Variants in CPA6 observed in about 807,000 individuals in gnomAD.
CPA6 encodes carboxypeptidase A6, also known as carboxypeptidase B.
Under a neutral mutation model 63.3 loss-of-function variants are expected in CPA6, and 58 were observed. The ratio of observed to expected loss-of-function variants is 0.92; its 90% confidence interval spans 0.74 to 1.14. CPA6 has a LOEUF of 1.14. Among genes scored for constraint, CPA6 ranks in the 50% most tolerant of loss-of-function variants. The probability of loss-of-function intolerance (pLI) is 0.00; values close to 1 mark genes in which losing one functional copy is unlikely to be tolerated. For missense variants in CPA6, 565 were observed against 526.6 expected (o/e 1.07, Z -0.71); for synonymous variants, 185 against 179.0 (o/e 1.03, Z -0.27).
chr8:67,687,534 T>C (rs1211515999), intron 1 of CPA6, among the ~76,000 whole-genome samples: 2 of 152,186 alleles, frequency 1.3e-5, no homozygotes, highest in Non-Finnish European at 2.9e-5. Context: ...ATCATTTAAC[T>C]GTTCTGAGCC....
At chr8:67,580,687 T>G (rs1014558317) in intron 2 of CPA6, among the ~76,000 whole-genome samples, 1 of 152,166 alleles carries the variant, frequency 6.6e-6, no homozygotes, top group Non-Finnish European at 1.5e-5. Context: ...AAGCATGAAT[T>G]AATTAGCACC....
intron 2 of CPA6, among the ~76,000 whole-genome samples, chr8:67,581,334 C>T (rs967967202): frequency 1.3e-5 from 2 of 152,052 alleles, no homozygotes; most frequent in Non-Finnish European, 2.9e-5. Context: ...CTATATATTA[C>T]TCATTCATGG....
intron 2 of CPA6, among the ~76,000 whole-genome samples, chr8:67,605,730 A>G (rs1477562057): frequency 6.6e-6 from 1 of 152,182 alleles, no homozygotes; most frequent in Admixed American, 6.5e-5. Context: ...CAGATAGACC[A>G]GAATGTACAT....
chr8:67,475,386 GGCAC>G (rs1811150170), intron 8 of CPA6, among the ~76,000 whole-genome samples: 1 of 152,182 alleles, frequency 6.6e-6, no homozygotes, highest in African/African-American at 2.4e-5. Flanking sequence ...ATGGAATTGT[GGCAC>G]ATACTGTGAT....
At chr8:67,489,506 AT>A (rs34510702) in intron 6 of CPA6, among the ~76,000 whole-genome samples, 68,158 of 151,402 alleles carry the variant, frequency 0.45, 16,671 homozygotes, top group African/African-American at 0.67. Context: ...TGTGTTAATC[AT>A]TTTTTTTTAA....
intron 1 of CPA6, among the ~76,000 whole-genome samples, chr8:67,736,644 T>G (rs1176789072): frequency 2.6e-5 from 4 of 152,216 alleles, no homozygotes; most frequent in Non-Finnish European, 4.4e-5. Flanking sequence ...CCTCTTTTCA[T>G]GTAATGAGTT....
At chr8:67,519,536 A>G (rs1292054150) in intron 2 of CPA6, among the ~76,000 whole-genome samples, 3 of 152,212 alleles carry the variant, frequency 2.0e-5, no homozygotes, top group Non-Finnish European at 4.4e-5. Context: ...TAAACTTCTA[A>G]TGATACAATT....
chr8:67,611,486 C>G (rs1814806338), intron 2 of CPA6, among the ~76,000 whole-genome samples: 1 of 152,160 alleles, frequency 6.6e-6, no homozygotes, highest in African/African-American at 2.4e-5. Flanking sequence ...ATTACTTTAT[C>G]TTGTTAATCA....
At chr8:67,605,766 C>T (rs149631439) in intron 2 of CPA6, among the ~76,000 whole-genome samples, 5 of 152,200 alleles carry the variant, frequency 3.3e-5, no homozygotes, top group East Asian at 3.9e-4. Flanking sequence ...AGTTTTCCCT[C>T]GTTTCTGAGG....
chr8:67,566,934 G>A (rs778699509), intron 2 of CPA6, among the ~76,000 whole-genome samples: 16 of 152,206 alleles, frequency 1.1e-4, no homozygotes, highest in Non-Finnish European at 1.8e-4. Context: ...TGGAGTGAAA[G>A]GTGGCCACTC....
intron 3 of CPA6, among the ~76,000 whole-genome samples, chr8:67,512,972 C>T (rs1399321372): frequency 1.3e-5 from 2 of 152,134 alleles, no homozygotes; most frequent in African/African-American, 4.8e-5. Flanking sequence ...TTCATTTACT[C>T]ATTTGTTATT....
At chr8:67,500,828 C>T (rs920603053) in intron 6 of CPA6, among the ~76,000 whole-genome samples, 4 of 151,298 alleles carry the variant, frequency 2.6e-5, no homozygotes, top group Admixed American at 2.6e-4. Flanking sequence ...GCTGTCTTTC[C>T]TCCTTTGAAT....
At chr8:67,534,646 C>T (rs1812546857) in intron 2 of CPA6, among the ~76,000 whole-genome samples, 1 of 152,090 alleles carries the variant, frequency 6.6e-6, no homozygotes, top group Admixed American at 6.5e-5. Flanking sequence ...TCTTGCACTG[C>T]CTTCCCCTTA....
chr8:67,632,414 C>T (rs1815362576), intron 1 of CPA6, among the ~76,000 whole-genome samples: 1 of 152,076 alleles, frequency 6.6e-6, no homozygotes, highest in Non-Finnish European at 1.5e-5. Flanking sequence ...CTCAATTGAT[C>T]CTCCCACCTC....
At chr8:67,726,491 A>G (rs973506711) in intron 1 of CPA6, among the ~76,000 whole-genome samples, 2 of 152,036 alleles carry the variant, frequency 1.3e-5, no homozygotes, top group African/African-American at 4.8e-5. Flanking sequence ...GCTGGCAAAT[A>G]TTTTTTCTGG....
At chr8:67,613,139 G>A (rs1399496438) in intron 2 of CPA6, among the ~76,000 whole-genome samples, 1 of 152,186 alleles carries the variant, frequency 6.6e-6, no homozygotes, top group Non-Finnish European at 1.5e-5. Flanking sequence ...AGTAATTGAG[G>A]AAATGGATAA....
chr8:67,512,309 C>T (rs1812058834), intron 3 of CPA6, among the ~76,000 whole-genome samples: 1 of 152,126 alleles, frequency 6.6e-6, no homozygotes, highest in South Asian at 2.1e-4. Flanking sequence ...ATGCTCATGT[C>T]ACTACCCAGC....
At chr8:67,634,288 C>A (rs528939320) in intron 1 of CPA6, among the ~76,000 whole-genome samples, 1 of 149,150 alleles carries the variant, frequency 6.7e-6, no homozygotes, top group Non-Finnish European at 1.5e-5. Context: ...GGCACTATCT[C>A]GGCTCACTAC....
At chr8:67,633,478 G>A (rs562682679) in intron 1 of CPA6, among the ~76,000 whole-genome samples, 3 of 152,072 alleles carry the variant, frequency 2.0e-5, no homozygotes, top group Non-Finnish European at 2.9e-5. Flanking sequence ...TCAGGAGATC[G>A]AGACCATCAT....
Sources: allele counts gnomAD v4.1 joint callset (sites outside exome capture counted in the v4.1 genomes callset), GRCh38; gene constraint gnomAD v4.1.1; transcripts MANE v1.5; gene names NCBI Gene and HGNC (gene_info 2026-07-23, HGNC 2026-07-21).